KPNA3: variants seen among roughly 807,000 people sequenced by gnomAD.
KPNA3 encodes importin subunit alpha-4.
KPNA3 carries 13 observed loss-of-function variants against 73.8 expected under a neutral mutation model. That is an observed-to-expected ratio of 0.18 (90% confidence interval 0.11 to 0.28). The LOEUF (loss-of-function observed/expected upper bound fraction) is 0.28, where lower values mean the gene tolerates loss of function less well. KPNA3 is among the 10% of genes least tolerant of loss of function. The pLI, the probability that KPNA3 is intolerant of heterozygous loss-of-function variation, is 1.00. For missense variants in KPNA3, 360 were observed against 618.1 expected, an observed-to-expected ratio of 0.58 and a Z score of 4.43; for synonymous variants, 186 against 206.9, an observed-to-expected ratio of 0.90 and a Z score of 0.87.
chr13:49,784,356 G>A (rs1954965157), intron 1 of KPNA3, among the ~76,000 whole-genome samples: 2 of 152,176 alleles, frequency 1.3e-5, no homozygotes, highest in South Asian at 4.1e-4. Context: ...AATTAGGACA[G>A]TCTATTAGGC....
intron 2 of KPNA3, among the ~76,000 whole-genome samples, chr13:49,744,420 T>C (rs2137566848): frequency 6.6e-6 from 1 of 152,364 alleles, no homozygotes; most frequent in East Asian, 1.9e-4. Context: ...TATGTTAATG[T>C]TTATTATGCT....
At chr13:49,702,074 GT>G (rs1233046640) in intron 16 of KPNA3, among the ~76,000 whole-genome samples, 176 bp from the exon 17 acceptor site, 6 of 152,058 alleles carry the variant, frequency 3.9e-5, no homozygotes, top group Non-Finnish European at 7.4e-5. Context: ...AATTTAACAC[GT>G]TTCGAAACTG....
At chr13:49,739,194 T>C (rs190027087) in intron 2 of KPNA3, among the ~76,000 whole-genome samples, 1 of 152,290 alleles carries the variant, frequency 6.6e-6, no homozygotes, top group Non-Finnish European at 1.5e-5. Context: ...TAAACTTGCC[T>C]CACCTCCAAA....
chr13:49,776,098 A>G (rs150132891), intron 1 of KPNA3, among the ~76,000 whole-genome samples: 8 of 152,292 alleles, frequency 5.3e-5, no homozygotes, highest in Admixed American at 1.3e-4. Flanking sequence ...TATTGTTAGT[A>G]GAGACAAGAG....
intron 12 of KPNA3, among the ~76,000 whole-genome samples, chr13:49,709,183 A>T (rs1241558131): frequency 6.6e-6 from 1 of 152,162 alleles, no homozygotes; most frequent in Non-Finnish European, 1.5e-5. Context: ...CAGGCGGATC[A>T]CAAGGTCAGG....
At chr13:49,725,571 A>G (rs1954401843) in intron 6 of KPNA3, 70 bp from the exon 7 acceptor site, 1 of 955,342 alleles carries the variant, frequency 1.0e-6, no homozygotes, top group Non-Finnish European at 1.6e-6. Context: ...CTTAAGACTG[A>G]TAAGATATGG....
At chr13:49,704,459 A>G (rs955142405) in intron 15 of KPNA3, among the ~76,000 whole-genome samples, 1 of 92,932 alleles carries the variant, frequency 1.1e-5, no homozygotes, top group African/African-American at 2.9e-5. Context: ...ATAAATAAAT[A>G]AATAAATAAA....
chr13:49,782,620 T>C (rs1051021102), intron 1 of KPNA3, among the ~76,000 whole-genome samples: 25 of 152,180 alleles, frequency 1.6e-4, no homozygotes, highest in African/African-American at 5.5e-4. Flanking sequence ...GGCTCATGCC[T>C]GTAATCCCAG....
At chr13:49,727,602 CTA>C (rs1353882067) in intron 6 of KPNA3, among the ~76,000 whole-genome samples, 1 of 151,890 alleles carries the variant, frequency 6.6e-6, no homozygotes, top group Non-Finnish European at 1.5e-5. Context: ...CAGAGAAGAA[CTA>C]TGAGGGGACT....
rs147483514 is a variant in KPNA3, at chr13:49,777,395, T to C, written c.69+15043A>G. 4.4e-3 allele frequency among the ~76,000 whole-genome samples: 674 copies of C among 152,346 alleles called. 8 individuals are homozygous for C. The highest frequency in any genetic ancestry group is 0.019 in the Admixed American group (293 of 15,312). ...ATAAGTCCCTTTATATAAAATGGCA[T>C]AGTATTTGCATATAACCTATGCACT... On this transcript the variant is annotated intron_variant, in intron 1 of 16. Coordinates refer to ENST00000261667, the MANE Select transcript of KPNA3 (RefSeq NM_002267.4).
chr13:49,780,370 A>T (rs1954931454), intron 1 of KPNA3, among the ~76,000 whole-genome samples: 1 of 152,126 alleles, frequency 6.6e-6, no homozygotes, highest in South Asian at 2.1e-4. Flanking sequence ...AAACTTGCCA[A>T]CCTCTATTCT....
rs146870736 is a variant in KPNA3, at chr13:49,709,464, C to T, written c.1032+108G>A. The T allele has an allele frequency of 8.1e-5, 68 of 842,156 alleles. No homozygotes were observed. In the East Asian group the frequency reaches 1.3e-3, roughly 16 times the overall value. 52.2% of individuals were successfully genotyped at this position (842,156 alleles called of 1,614,324 possible). A position where few individuals can be genotyped will look rare whatever the true frequency, so the allele number is the denominator to read the frequency against. On this transcript the variant is annotated intron_variant, in intron 12 of 16. Coordinates refer to ENST00000261667, the MANE Select transcript of KPNA3 (RefSeq NM_002267.4). ...GGTGATTTAAAATAATTCTCATCTT[C>T]GCTGCAGTGGCTTTTAAGAAAAACA...
intron 1 of KPNA3, among the ~76,000 whole-genome samples, chr13:49,786,769 C>T (rs536939240): frequency 6.6e-6 from 1 of 152,256 alleles, no homozygotes; most frequent in Admixed American, 6.5e-5. Flanking sequence ...TAAGGTCTTA[C>T]AACTATGTGT....
rs1256988850 is a variant in KPNA3, at chr13:49,701,912, G to GA, written c.1468-15dup. On this transcript the variant is annotated splice_polypyrimidine_tract_variant and intron_variant, in intron 16 of 16. Coordinates refer to ENST00000261667, the MANE Select transcript of KPNA3 (RefSeq NM_002267.4). ...ATCTTCATCAATCTGTAAAAAACAA[G>GA]AAAAAAATCCTTATTAGGTTATGAT... 6 of 1,557,808 alleles carry GA rather than the reference G, an allele frequency of 3.9e-6. No homozygotes were observed. The highest frequency in any genetic ancestry group is 1.1e-5 in the South Asian group (1 of 89,186).
At chr13:49,768,069 G>A (rs1352804861) in intron 1 of KPNA3, among the ~76,000 whole-genome samples, 2 of 152,052 alleles carry the variant, frequency 1.3e-5, no homozygotes, top group Non-Finnish European at 1.5e-5. Flanking sequence ...CACAAGGTCT[G>A]GAGTTTGAGA....
At chr13:49,730,517 CTCAAAAAAAAAAAA>C (rs1191603559) in intron 6 of KPNA3, among the ~76,000 whole-genome samples, 1 of 18,186 alleles carries the variant, frequency 5.5e-5, no homozygotes, top group African/African-American at 1.6e-4. Flanking sequence ...GAGACTCTGT[CTCAAAAAAAAAAAA>C]AAAAAAAAAA....
Position 49,777,160 on chromosome 13 carries a change from C to T in KPNA3, c.69+15278G>A, listed in dbSNP as rs182146642. Among the ~76,000 whole-genome samples the T allele has an allele frequency of 8.1e-4, 124 of 152,320 alleles. 1 individual carries two copies. Among genetic ancestry groups the T allele is most frequent in the Admixed American group, 4.3e-3 (66 of 15,294 alleles). ...CAATGCCTGTTCAGCTACCTTCCTCCATACTCTATTCAGCTTTCTACCTTT... is the reference window on the plus strand; with the variant it reads ...CAATGCCTGTTCAGCTACCTTCCTCTATACTCTATTCAGCTTTCTACCTTT... On this transcript the variant is annotated intron_variant, in intron 1 of 16. Coordinates refer to ENST00000261667, the MANE Select transcript of KPNA3 (RefSeq NM_002267.4).
At chr13:49,711,105 GA>G in intron 10 of KPNA3, 83 bp from the exon 11 acceptor site, 2 of 1,332,352 alleles carry the variant, frequency 1.5e-6, no homozygotes, top group South Asian at 3.1e-5. Context: ...AGTAGTGACA[GA>G]AAAAGTAACC....
intron 1 of KPNA3, among the ~76,000 whole-genome samples, chr13:49,784,512 C>A (rs1331893702): frequency 6.6e-6 from 1 of 152,118 alleles, no homozygotes; most frequent in Admixed American, 6.5e-5. Context: ...AAGTTGGAAA[C>A]AATCCAAGTA....
Sources: allele counts gnomAD v4.1 joint callset (sites outside exome capture counted in the v4.1 genomes callset), GRCh38; gene constraint gnomAD v4.1.1; transcripts MANE v1.5; gene names NCBI Gene and HGNC (gene_info 2026-07-23, HGNC 2026-07-21).